SPATA6: variants seen among roughly 807,000 people sequenced by gnomAD.
The protein encoded by SPATA6 is spermatogenesis-associated protein 6.
Under a neutral mutation model 65.3 loss-of-function variants are expected in SPATA6, and 56 were observed. The ratio of observed to expected loss-of-function variants is 0.86; its 90% CI spans 0.69 to 1.07. The LOEUF is 1.07. Among genes scored for constraint, SPATA6 ranks in the 50% least tolerant of loss-of-function variants. The pLI, the probability that SPATA6 is intolerant of heterozygous loss-of-function variation, is 0.00. For missense variants in SPATA6, 590 were observed against 594.8 expected (o/e 0.99, Z 0.08); for synonymous variants, 199 against 213.2 (o/e 0.93, Z 0.58).
intron 10 of SPATA6, among the ~76,000 whole-genome samples, chr1:48,359,092 C>T (rs780454331): frequency 6.6e-6 from 1 of 152,110 alleles, no homozygotes; most frequent in South Asian, 2.1e-4. Flanking sequence ...ATAACAGGAT[C>T]AGACTCTGGT....
the SPATA6 span, among the ~76,000 whole-genome samples, chr1:48,284,657 G>A: frequency 6.6e-6 from 1 of 152,156 alleles, no homozygotes; most frequent in Admixed American, 6.5e-5. Flanking sequence ...ATTCTTTTCT[G>A]TTTGTTAGTT....
In SPATA6 at chr1:48,418,801, G is replaced by A. The variant is rs1225997227; in HGVS notation, c.239-5650C>T. On this transcript the variant is annotated intron_variant, in intron 3 of 12. Transcript: ENST00000371847. ...GGAAGGAAGAAGGGAAGGAAGGAAG[G>A]AGGGAAGGAGGGAAGGAGGGAGGGA... Among the ~76,000 whole-genome samples the A allele has an allele frequency of 7.4e-5, 6 of 80,884 alleles. No homozygotes were observed. The Admixed American group carries it at 9.1e-4, about 12-fold the overall frequency. 53.1% of individuals were successfully genotyped at this position (80,884 alleles called of 152,430 possible).
rs1203634613 is a variant in SPATA6, at chr1:48,392,404, C to T, written c.868+2863G>A. On this transcript the variant is annotated intron_variant, in intron 8 of 12. Coordinates refer to ENST00000371847, the MANE Select transcript of SPATA6 (RefSeq NM_019073.4). ...ACTAGATAAAGCTTACAAAAAGTCT[C>T]ATATTACAAGAGATATTGAGTTTCT... Among the ~76,000 whole-genome samples, 8 of 152,074 alleles carry T rather than the reference C, an allele frequency of 5.3e-5. No homozygotes were observed. In the East Asian group the frequency reaches 9.6e-4, roughly 18 times the overall value.
rs910154922 is a variant in SPATA6 at position 48,356,510 on chromosome 1, CT to C, written c.1095-742del. Among the ~76,000 whole-genome samples the C allele has an allele frequency of 2.8e-3, 341 of 122,726 alleles. 1 individual carries two copies. The highest frequency in any genetic ancestry group is 9.9e-3 in the East Asian group (43 of 4,340). The allele number at this position is 122,726 out of a possible 152,430, so 80.5% of individuals were successfully genotyped here. A position where few individuals can be genotyped will look rare whatever the true frequency, so the allele number is the denominator to read the frequency against. ...TTGTTTTCTTCCCAGTTTGTCCTTT[CT>C]TTTTTTTTTTTTTTTTTTTTGACAC... On this transcript the variant is annotated intron_variant, in intron 10 of 12. Transcript: ENST00000371847.
chr1:48,351,799 AC>A (rs1225426210), intron 11 of SPATA6, among the ~76,000 whole-genome samples: 2 of 151,968 alleles, frequency 1.3e-5, no homozygotes, highest in African/African-American at 2.4e-5. Flanking sequence ...TCATAAAATG[AC>A]CTGGGAAGTT....
intron 3 of SPATA6, among the ~76,000 whole-genome samples, chr1:48,443,014 T>C (rs183628720): frequency 1.3e-5 from 2 of 152,268 alleles, no homozygotes; most frequent in East Asian, 3.9e-4. Context: ...TTCAGGACAG[T>C]TCCTCCCAGG....
chr1:48,334,274 A>G (rs1455412262), intron 11 of SPATA6, among the ~76,000 whole-genome samples: 1 of 152,014 alleles, frequency 6.6e-6, no homozygotes, highest in East Asian at 1.9e-4. Context: ...TCCTCAACTC[A>G]TTCAATGAGG....
chr1:48,442,737 A>AC (rs1655635891), intron 3 of SPATA6, among the ~76,000 whole-genome samples: 1 of 149,008 alleles, frequency 6.7e-6, no homozygotes, highest in Admixed American at 6.6e-5. Context: ...AAAAAAAAAA[A>AC]AAAAAAAACA....
chr1:48,465,318 C>T (rs1657733583), intron 1 of SPATA6, among the ~76,000 whole-genome samples: 1 of 152,056 alleles, frequency 6.6e-6, no homozygotes, highest in Admixed American at 6.6e-5. Context: ...TCTGCTGACA[C>T]TTTTATTTTG....
At chr1:48,323,435 G>A (rs1645659044) in intron 11 of SPATA6, among the ~76,000 whole-genome samples, 2 of 151,580 alleles carry the variant, frequency 1.3e-5, no homozygotes, top group Admixed American at 1.3e-4. Context: ...GGGGGCTGGG[G>A]GAGGGATAGC....
chr1:48,273,258 T>C, the SPATA6 span, among the ~76,000 whole-genome samples: 2 of 152,216 alleles, frequency 1.3e-5, no homozygotes, highest in Non-Finnish European at 2.9e-5. Context: ...TACATTTAAG[T>C]CAATCCATTT....
At chr1:48,376,816 C>CG (rs1216336975) in intron 9 of SPATA6, among the ~76,000 whole-genome samples, 5 of 152,130 alleles carry the variant, frequency 3.3e-5, no homozygotes, top group Non-Finnish European at 5.9e-5. Flanking sequence ...TGTACCTAGG[C>CG]TACAAACCTG....
intron 11 of SPATA6, among the ~76,000 whole-genome samples, chr1:48,312,059 G>A (rs1254737566): frequency 6.6e-6 from 1 of 152,196 alleles, no homozygotes; most frequent in African/African-American, 2.4e-5. Context: ...GGTAAACAAA[G>A]CGGCCAGGAA....
intron 11 of SPATA6, among the ~76,000 whole-genome samples, chr1:48,354,482 C>T (rs917923306): frequency 2.0e-5 from 3 of 151,982 alleles, no homozygotes; most frequent in Non-Finnish European, 4.4e-5. Context: ...AAACCAAATG[C>T]GCACCAATGG....
At chr1:48,458,533 G>A (rs1275042110) in intron 1 of SPATA6, among the ~76,000 whole-genome samples, 1 of 152,032 alleles carries the variant, frequency 6.6e-6, no homozygotes, top group Non-Finnish European at 1.5e-5. Flanking sequence ...CTCATTTTTG[G>A]CTGTCTACTC....
At chr1:48,442,507 A>G (rs1469495357) in intron 3 of SPATA6, among the ~76,000 whole-genome samples, 1 of 151,768 alleles carries the variant, frequency 6.6e-6, no homozygotes, top group Non-Finnish European at 1.5e-5. Flanking sequence ...AGAGGCAGGG[A>G]AAGACCAGCA....
the SPATA6 span, among the ~76,000 whole-genome samples, chr1:48,270,726 A>G: frequency 6.9e-6 from 1 of 144,690 alleles, no homozygotes; most frequent in Non-Finnish European, 1.5e-5. Flanking sequence ...GAAGAAGAGG[A>G]AAAAAAAAAA....
At chr1:48,285,841 A>G in the SPATA6 span, among the ~76,000 whole-genome samples, 2 of 151,956 alleles carry the variant, frequency 1.3e-5, no homozygotes, top group Non-Finnish European at 2.9e-5. Flanking sequence ...CACCTTCTAC[A>G]TTGTTCTTGC....
chr1:48,433,624 C>T (rs1654610945), intron 3 of SPATA6, among the ~76,000 whole-genome samples: 1 of 152,054 alleles, frequency 6.6e-6, no homozygotes, highest in South Asian at 2.1e-4. Context: ...TACTATTAAA[C>T]CTCTGTACCA....
Sources: gnomAD v4.1 joint callset for allele counts (sites outside exome capture counted in the v4.1 genomes callset) on GRCh38, gnomAD v4.1.1 for gene constraint, MANE v1.5 for transcripts, NCBI Gene and HGNC (gene_info 2026-07-23, HGNC 2026-07-21) for gene names.